SLC5A11: variants seen among roughly 807,000 people sequenced by gnomAD.
SLC5A11 encodes the protein sodium/myo-inositol cotransporter 2.
A neutral mutation model predicts 69.8 loss-of-function variants in SLC5A11; 48 were observed. The observed-to-expected ratio is 0.69, with a 90% CI of 0.55 to 0.87. The LOEUF (loss-of-function observed/expected upper bound fraction) is 0.87. Among genes scored for constraint, SLC5A11 ranks in the 40% least tolerant of loss-of-function variants. The probability of loss-of-function intolerance (pLI) is 0.00; values close to 1 mark genes in which losing one functional copy is unlikely to be tolerated. For missense variants in SLC5A11, 784 were observed against 866.1 expected, an observed-to-expected ratio of 0.91 and a Z score of 1.19; for synonymous variants, 319 against 342.4, an observed-to-expected ratio of 0.93 and a Z score of 0.75.
At chr16:24,888,478 C>CTTTT (rs891552223) in intron 8 of SLC5A11, among the ~76,000 whole-genome samples, 218 of 81,378 alleles carry the variant, frequency 2.7e-3, no homozygotes, top group Non-Finnish European at 3.3e-3. Flanking sequence ...GTATCTATTT[C>CTTTT]TTTTTTTTTT....
At chr16:24,868,254 GAAT>G (rs994877351) in intron 3 of SLC5A11, among the ~76,000 whole-genome samples, 1 of 140,138 alleles carries the variant, frequency 7.1e-6, no homozygotes, top group Non-Finnish European at 1.6e-5. Context: ...AACATTCCTA[GAAT>G]AATTAACACA....
At chr16:24,886,036 CTTTTT>C (rs35828435) in intron 8 of SLC5A11, among the ~76,000 whole-genome samples, 1 of 139,050 alleles carries the variant, frequency 7.2e-6, no homozygotes, top group Non-Finnish European at 1.6e-5. Flanking sequence ...AATAGGAGTT[CTTTTT>C]TTTTTTTTTT....
At chr16:24,906,657 A>G in exon 11 of SLC5A11, 1 of 1,601,454 alleles carries the variant, frequency 6.2e-7, no homozygotes, top group Non-Finnish European at 8.5e-7. Context: ...TCCTTCGTAG[A>G]TCAAGTGGCC....
At chr16:24,896,037 A>C (rs982732105) in intron 9 of SLC5A11, among the ~76,000 whole-genome samples, 2 of 148,204 alleles carry the variant, frequency 1.3e-5, no homozygotes, top group African/African-American at 5.0e-5. Flanking sequence ...TGTGGAAAAA[A>C]TTGTTTAAGG....
At chr16:24,853,755 TG>T (rs1329795699) in intron 1 of SLC5A11, among the ~76,000 whole-genome samples, 2 of 152,194 alleles carry the variant, frequency 1.3e-5, no homozygotes, top group Non-Finnish European at 2.9e-5. Context: ...ACCTGTGAAA[TG>T]GAGGTGAAAT....
At chr16:24,883,084 G>A (rs565729288) in intron 7 of SLC5A11, among the ~76,000 whole-genome samples, 15 of 152,286 alleles carry the variant, frequency 9.8e-5, no homozygotes, top group African/African-American at 3.6e-4. Flanking sequence ...AAAGGTGTTG[G>A]CTGGGTGTAG....
chr16:24,854,619 A>G (rs868110187), intron 1 of SLC5A11, among the ~76,000 whole-genome samples: 24 of 152,092 alleles, frequency 1.6e-4, no homozygotes, highest in Admixed American at 5.9e-4. Flanking sequence ...TTTAGTAGAG[A>G]TGGGATTTCA....
intron 9 of SLC5A11, among the ~76,000 whole-genome samples, chr16:24,892,809 T>C (rs1173259852): frequency 1.3e-5 from 2 of 152,136 alleles, no homozygotes; most frequent in Non-Finnish European, 2.9e-5. Context: ...GTCTCATCCA[T>C]AGGCCAGCCC....
intron 1 of SLC5A11, among the ~76,000 whole-genome samples, chr16:24,854,020 G>C (rs990397054): frequency 4.6e-5 from 7 of 152,074 alleles, no homozygotes; most frequent in South Asian, 2.1e-4. Context: ...ACTCAGGAAG[G>C]GCTTGGAATC....
At chr16:24,852,813 G>C (rs1444850019) in intron 1 of SLC5A11, among the ~76,000 whole-genome samples, 1 of 151,742 alleles carries the variant, frequency 6.6e-6, no homozygotes, top group African/African-American at 2.4e-5. Context: ...GAGTCCCCAG[G>C]GCCTAGCACA....
intron 9 of SLC5A11, among the ~76,000 whole-genome samples, chr16:24,893,808 G>A (rs2152380945): frequency 6.6e-6 from 1 of 152,200 alleles, no homozygotes; most frequent in Non-Finnish European, 1.5e-5. Context: ...CTGACCTCAA[G>A]TGATCCACCC....
intron 2 of SLC5A11, among the ~76,000 whole-genome samples, chr16:24,860,114 C>G (rs1380858780): frequency 6.6e-6 from 1 of 152,156 alleles, no homozygotes; most frequent in Non-Finnish European, 1.5e-5. Context: ...GGTGAAACCC[C>G]ATCACTATTA....
At chr16:24,856,632 G>A (rs1174628350) in intron 1 of SLC5A11, among the ~76,000 whole-genome samples, 2 of 148,234 alleles carry the variant, frequency 1.3e-5, no homozygotes, top group Non-Finnish European at 3.0e-5. Context: ...TTAGCTGAGC[G>A]TGGTGGTGGG....
intron 1 of SLC5A11, among the ~76,000 whole-genome samples, chr16:24,852,711 C>T (rs1047958446): frequency 2.6e-5 from 4 of 152,194 alleles, no homozygotes; most frequent in East Asian, 1.9e-4. Flanking sequence ...ACCCAGAGGA[C>T]GGGGCCAAGT....
chr16:24,851,801 A>T (rs1456213746), intron 1 of SLC5A11, among the ~76,000 whole-genome samples: 1 of 152,158 alleles, frequency 6.6e-6, no homozygotes, highest in Non-Finnish European at 1.5e-5. Flanking sequence ...ACGATGAAGG[A>T]GCTCACAGGA....
intron 1 of SLC5A11, among the ~76,000 whole-genome samples, chr16:24,857,581 TC>T (rs1457300067): frequency 6.6e-6 from 1 of 152,192 alleles, no homozygotes; most frequent in Admixed American, 6.5e-5. Context: ...CCACCTGCAC[TC>T]CTTGGCTTGT....
At chr16:24,866,131 A>G (rs1397123613) in intron 3 of SLC5A11, among the ~76,000 whole-genome samples, 1 of 150,172 alleles carries the variant, frequency 6.7e-6, no homozygotes, top group East Asian at 1.9e-4. Context: ...TAGAAGAATA[A>G]GAAGGACACT....
At chr16:24,863,406 T>C (rs2046724912) in intron 3 of SLC5A11, among the ~76,000 whole-genome samples, 1 of 152,098 alleles carries the variant, frequency 6.6e-6, no homozygotes, top group Non-Finnish European at 1.5e-5. Context: ...TTTCTTGCTG[T>C]TGTTTTTGTT....
At chr16:24,880,915 C>A (rs1029470515) in intron 7 of SLC5A11, among the ~76,000 whole-genome samples, 3 of 152,114 alleles carry the variant, frequency 2.0e-5, no homozygotes, top group African/African-American at 7.2e-5. Flanking sequence ...AAGTTTAAAG[C>A]TGTTCTGGCC....
Sources: allele counts gnomAD v4.1 joint callset (sites outside exome capture counted in the v4.1 genomes callset), GRCh38; gene constraint gnomAD v4.1.1; transcripts MANE v1.5; gene names NCBI Gene and HGNC (gene_info 2026-07-23, HGNC 2026-07-21).